Variants in VEPH1 observed in about 807,000 individuals in gnomAD.
The protein encoded by VEPH1 is ventricular zone expressed PH domain containing 1.
VEPH1 carries 80 observed loss-of-function variants against 85.2 expected under a neutral mutation model. The observed-to-expected ratio is 0.94, with a 90% confidence interval of 0.78 to 1.13. The LOEUF is 1.13. Among genes scored for constraint, VEPH1 ranks in the 50% most tolerant of loss-of-function variants. The probability of loss-of-function intolerance (pLI) is 0.00; values close to 1 mark genes in which losing one functional copy is unlikely to be tolerated. For missense variants in VEPH1, 955 were observed against 980.5 expected, an observed-to-expected ratio of 0.97 and a Z score of 0.35; for synonymous variants, 297 against 348.0, an observed-to-expected ratio of 0.85 and a Z score of 1.63.
intron 4 of VEPH1, among the ~76,000 whole-genome samples, chr3:157,447,133 T>C (rs1734613538): frequency 6.6e-6 from 1 of 152,216 alleles, no homozygotes; most frequent in Non-Finnish European, 1.5e-5. Context: ...TAAATGAATG[T>C]AAGGATTCTT....
chr3:157,408,735 G>T (rs1560039627), intron 6 of VEPH1, among the ~76,000 whole-genome samples: 1 of 152,132 alleles, frequency 6.6e-6, no homozygotes, highest in African/African-American at 2.4e-5. Context: ...TTTGAGCTGG[G>T]TCAGGTAAGA....
At chr3:157,500,359 A>G (rs1740005976) in intron 1 of VEPH1, among the ~76,000 whole-genome samples, 1 of 152,218 alleles carries the variant, frequency 6.6e-6, no homozygotes, top group South Asian at 2.1e-4. Context: ...GTGTACAGGC[A>G]GCTATCCTGC....
At chr3:157,346,749 A>G (rs1464566166) in intron 9 of VEPH1, among the ~76,000 whole-genome samples, 1 of 151,870 alleles carries the variant, frequency 6.6e-6, no homozygotes, top group Non-Finnish European at 1.5e-5. Context: ...TGGGACCATC[A>G]GCACGTGCCA....
At chr3:157,294,453 C>G (rs1347176507) in intron 11 of VEPH1, among the ~76,000 whole-genome samples, 1 of 152,192 alleles carries the variant, frequency 6.6e-6, no homozygotes, top group African/African-American at 2.4e-5. Context: ...CACTCAAGAT[C>G]TCTATGTGGT....
At chr3:157,493,289 C>T (rs1425330764) in intron 2 of VEPH1, 6 of 456,064 alleles carry the variant, frequency 1.3e-5, no homozygotes, top group East Asian at 7.0e-5. Context: ...TCCTGTTCTA[C>T]GTTTCTGAAG....
intron 4 of VEPH1, among the ~76,000 whole-genome samples, chr3:157,429,699 T>TGGA (rs1733002013): frequency 6.6e-6 from 1 of 152,250 alleles, no homozygotes; most frequent in African/African-American, 2.4e-5. Flanking sequence ...CAATTTGTTT[T>TGGA]GTTTTCTGTT....
At position 157,369,534 on chromosome 3, in the gene VEPH1, T is replaced by C. The variant is rs1449305504; in HGVS notation, c.1128-5022A>G. Among the ~76,000 whole-genome samples the C allele has an allele frequency of 3.3e-5, 5 of 152,316 alleles. 1 individual carries two copies. The highest frequency in any genetic ancestry group is 9.6e-5 in the African/African-American group (4 of 41,574). On this transcript the variant is annotated intron_variant, in intron 7 of 13. Coordinates refer to ENST00000362010, the MANE Select transcript of VEPH1 (RefSeq NM_001167912.2). ...GTGGACTGGGGTGGTAATGAAGTCA[T>C]TGAGGCAGCCAAGGTCTCCAGATGG...
intron 6 of VEPH1, among the ~76,000 whole-genome samples, chr3:157,395,383 C>G (rs999282315): frequency 2.6e-5 from 4 of 152,216 alleles, no homozygotes; most frequent in African/African-American, 9.6e-5. Context: ...GTCTCTGCTG[C>G]TGGCAGACAG....
intron 9 of VEPH1, among the ~76,000 whole-genome samples, chr3:157,324,287 A>C (rs555738069): frequency 6.6e-6 from 1 of 152,142 alleles, no homozygotes; most frequent in Non-Finnish European, 1.5e-5. Flanking sequence ...TGAACTCCTG[A>C]CCTCAGGTGA....
intron 9 of VEPH1, among the ~76,000 whole-genome samples, chr3:157,336,692 C>T (rs762552275): frequency 7.2e-5 from 11 of 152,194 alleles, no homozygotes; most frequent in Non-Finnish European, 1.2e-4. Flanking sequence ...CCCTACACTC[C>T]ATCTAACACA....
intron 9 of VEPH1, among the ~76,000 whole-genome samples, chr3:157,319,885 G>A (rs1375094761): frequency 6.6e-6 from 1 of 152,128 alleles, no homozygotes; most frequent in Non-Finnish European, 1.5e-5. Context: ...TAACTTAGAA[G>A]CATATACACT....
chr3:157,308,149 C>T (rs1295573489), intron 11 of VEPH1, among the ~76,000 whole-genome samples: 1 of 150,294 alleles, frequency 6.7e-6, no homozygotes, highest in Non-Finnish European at 1.5e-5. Flanking sequence ...CTCTTTCCCT[C>T]ATCCTCCCTC....
In VEPH1 at chr3:157,265,544, CAG is replaced by C. The variant is rs1713519838; in HGVS notation, c.2245_2246del (p.Leu749ValfsTer7). On this transcript the variant is annotated frameshift_variant, in exon 13 of 14. Coordinates refer to ENST00000362010, the MANE Select transcript of VEPH1 (RefSeq NM_001167912.2). LOFTEE classifies it high-confidence loss of function. ...RYFTLAGNQL[L>X]FQKGKSKDDP... ...AACTTACAGACTTTCCTTTTTGAAA[CAG>C]AAGTTGATTTCCAGCCAGTGTAAAA... 6.2e-7 allele frequency: 1 copy of C among 1,611,878 alleles called. No homozygotes were observed. The highest frequency in any genetic ancestry group is 1.3e-5 in the African/African-American group (1 of 74,856).
At chr3:157,306,270 A>G (rs1371544476) in intron 11 of VEPH1, among the ~76,000 whole-genome samples, 1 of 152,124 alleles carries the variant, frequency 6.6e-6, no homozygotes, top group Non-Finnish European at 1.5e-5. Flanking sequence ...CTCCTTACCC[A>G]AAGGCAACCT....
chr3:157,290,668 TAAAA>T (rs925270032), intron 11 of VEPH1, among the ~76,000 whole-genome samples: 1 of 151,828 alleles, frequency 6.6e-6, no homozygotes, highest in Admixed American at 6.6e-5. Context: ...TTCATTGATG[TAAAA>T]AAAAGGATAC....
At chr3:157,485,710 A>G (rs555966395) in intron 2 of VEPH1, among the ~76,000 whole-genome samples, 1 of 152,102 alleles carries the variant, frequency 6.6e-6, no homozygotes, top group Non-Finnish European at 1.5e-5. Flanking sequence ...CAATTAAAAG[A>G]CAGATATTTT....
chr3:157,317,062 C>T lies in VEPH1; in HGVS notation c.1875G>A (p.Gln625=). ...CCTGATGAACACAAATTATACAAAC[C>T]TGCTGAAATAGAAACATGATCTGGA... ...PWIQIMFLFQ[Q]SLFPEPLSIQ... is the part of the protein sequence containing the mutation. The change falls in exon 10 of 14, where the codon CAG becomes CAA. Residue 625 remains glutamine, a splice_region_variant and synonymous_variant. Transcript: ENST00000362010. 1 of 1,609,728 alleles carries T rather than the reference C, an allele frequency of 6.2e-7. No individual in the cohort carries two copies. Among genetic ancestry groups the T allele is most frequent in the Non-Finnish European group, 8.5e-7 (1 of 1,177,952 alleles).
At chr3:157,317,820 A>C (rs1720908051) in intron 9 of VEPH1, among the ~76,000 whole-genome samples, 1 of 152,226 alleles carries the variant, frequency 6.6e-6, no homozygotes, top group South Asian at 2.1e-4. Context: ...AGAAATAATG[A>C]ATAAATGAAT....
At position 157,413,931 on chromosome 3, in the gene VEPH1, G is replaced by A; in HGVS notation, c.856C>T (p.Leu286Phe). 2 of 1,613,670 alleles carry A rather than the reference G, an allele frequency of 1.2e-6. No individual in the cohort carries two copies. The highest frequency in any genetic ancestry group is 4.5e-5 in the East Asian group (2 of 44,850). The part of the protein sequence containing the change: ...LKEIGERFPY[L>F]TGQMARIYGA... ...TAAATCCTTGCCATCTGTCCAGTGA[G>A]GTAGGGGAATCTCTCACCAATCTCT... is the stretch of plus-strand genomic sequence containing the variant. The change falls in exon 6 of 14, where the codon CTC becomes TTC. Residue 286 changes from leucine to phenylalanine, a missense_variant. Physicochemically the swap from Leu to Phe is conservative, Grantham distance 22. Coordinates refer to ENST00000362010, the MANE Select transcript of VEPH1 (RefSeq NM_001167912.2).
Sources: gnomAD v4.1 joint callset for allele counts (sites outside exome capture counted in the v4.1 genomes callset) on GRCh38, gnomAD v4.1.1 for gene constraint, MANE v1.5 for transcripts, NCBI Gene and HGNC (gene_info 2026-07-23, HGNC 2026-07-21) for gene names.